MAGI1: variants seen among roughly 807,000 people sequenced by gnomAD.
MAGI1 encodes the protein membrane associated guanylate kinase, WW and PDZ domain containing 1, also known as membrane-associated guanylate kinase, WW and PDZ domain-containing protein 1.
A neutral mutation model predicts 139.9 loss-of-function variants in MAGI1; 58 were observed. The observed-to-expected ratio is 0.41, with a 90% CI of 0.34 to 0.52. The LOEUF is 0.52. Among genes scored for constraint, MAGI1 ranks in the 20% least tolerant of loss-of-function variants. The probability of loss-of-function intolerance (pLI) is 0.12; values close to 1 mark genes in which losing one functional copy is unlikely to be tolerated. For synonymous variants in MAGI1, 812 were observed against 737.9 expected, an observed-to-expected ratio of 1.10 and a Z score of -1.63; for missense variants, 1,874 against 1,901.6, an observed-to-expected ratio of 0.99 and a Z score of 0.27.
intron 2 of MAGI1, among the ~76,000 whole-genome samples, chr3:65,569,858 C>G (rs1000264783): frequency 2.0e-5 from 3 of 150,854 alleles, no homozygotes; most frequent in African/African-American, 7.3e-5. Flanking sequence ...CTGGGCAATA[C>G]AGCGAGACCC....
rs77720237 is a variant in MAGI1 at position 65,491,531 on chromosome 3, C to T, written c.550+1981G>A. ...GCAAATAGATGTTTTATATATTTGA[C>T]GACTGAAGCCCCCCAGATGGGCATA... is the stretch of plus-strand genomic sequence containing the variant. On this transcript the variant is annotated intron_variant, in intron 3 of 22. Transcript: ENST00000402939. Among the ~76,000 whole-genome samples the T allele has an allele frequency of 2.3e-3, 347 of 152,030 alleles. 2 individuals carry two copies. Among genetic ancestry groups the T allele is most frequent in the Non-Finnish European group, 2.8e-3 (191 of 67,882 alleles).
At chr3:65,502,431 A>G (rs2077119032) in intron 2 of MAGI1, among the ~76,000 whole-genome samples, 1 of 152,168 alleles carries the variant, frequency 6.6e-6, no homozygotes, top group Non-Finnish European at 1.5e-5. Context: ...GACTGTTATA[A>G]CAGAATACCA....
chr3:65,396,549 G>A (rs1158230713), intron 13 of MAGI1, among the ~76,000 whole-genome samples: 1 of 152,160 alleles, frequency 6.6e-6, no homozygotes, highest in Non-Finnish European at 1.5e-5. Context: ...CAAAATGTAG[G>A]TACTTAGAAA....
chr3:65,533,250 T>C (rs1291797637), intron 2 of MAGI1, among the ~76,000 whole-genome samples: 3 of 152,160 alleles, frequency 2.0e-5, no homozygotes, highest in African/African-American at 4.8e-5. Context: ...GGAGCACTTA[T>C]TGGGTGGAGA....
intron 2 of MAGI1, among the ~76,000 whole-genome samples, chr3:65,619,542 A>G: frequency 6.6e-6 from 1 of 152,194 alleles, no homozygotes; most frequent in East Asian, 1.9e-4. Flanking sequence ...AAGTTCTGGA[A>G]TATACAGATT....
At chr3:66,013,720 C>T (rs959124648) in intron 1 of MAGI1, among the ~76,000 whole-genome samples, 1 of 149,032 alleles carries the variant, frequency 6.7e-6, no homozygotes, top group Non-Finnish European at 1.5e-5. Flanking sequence ...GAGATCGCAC[C>T]ACTGCACTCC....
chr3:65,583,554 C>T (rs1441093873), intron 2 of MAGI1, among the ~76,000 whole-genome samples: 3 of 152,004 alleles, frequency 2.0e-5, no homozygotes, highest in Admixed American at 6.6e-5. Flanking sequence ...GAACTAACTA[C>T]AAGGTTTTTT....
chr3:65,679,393 T>G (rs150886219), intron 1 of MAGI1, among the ~76,000 whole-genome samples: 1 of 152,048 alleles, frequency 6.6e-6, no homozygotes, highest in South Asian at 2.1e-4. Context: ...TGCATTCCTA[T>G]TGCTTAATCA....
chr3:65,406,518 T>C (rs1226058022), intron 12 of MAGI1, among the ~76,000 whole-genome samples: 1 of 152,170 alleles, frequency 6.6e-6, no homozygotes, highest in African/African-American at 2.4e-5. Flanking sequence ...ATTTACATTT[T>C]TTCATTGTGA....
intron 1 of MAGI1, among the ~76,000 whole-genome samples, chr3:65,842,340 C>T (rs1325728560): frequency 6.6e-6 from 1 of 150,930 alleles, no homozygotes; most frequent in Non-Finnish European, 1.5e-5. Flanking sequence ...TTCCATATCC[C>T]CTGAAATTTT....
chr3:65,520,164 C>G (rs2078089190), intron 2 of MAGI1, among the ~76,000 whole-genome samples: 2 of 152,326 alleles, frequency 1.3e-5, no homozygotes, highest in South Asian at 4.1e-4. Flanking sequence ...AGCCATCCCG[C>G]TGAGCCCTAG....
In MAGI1 at chr3:65,430,991, T is replaced by A. The variant is rs866303828; in HGVS notation, c.1364-110A>T. On this transcript the variant is annotated intron_variant, in intron 10 of 22. Transcript: ENST00000402939. ...TTCTTCACGCTTATGCCCTAGAGCC[T>A]TTGGGCATATAGCATCTTAAGAAAG... The A allele has an allele frequency of 4.1e-6, 4 of 987,196 alleles. No homozygotes were observed. In the Middle Eastern group the frequency reaches 8.7e-4, roughly 214 times the overall value. The allele number at this position is 987,196 out of a possible 1,614,324, so 61.2% of individuals were successfully genotyped here.
chr3:65,450,353 A>G (rs1180449701), intron 6 of MAGI1, among the ~76,000 whole-genome samples: 1 of 152,212 alleles, frequency 6.6e-6, no homozygotes, highest in Non-Finnish European at 1.5e-5. Context: ...ATGATCCCAG[A>G]TGAGAATGGA....
intron 2 of MAGI1, among the ~76,000 whole-genome samples, chr3:65,553,580 G>A (rs1350412873): frequency 3.3e-5 from 5 of 152,204 alleles, no homozygotes; most frequent in Non-Finnish European, 7.3e-5. Context: ...AATGTCGCAA[G>A]TGTATATAGA....
At chr3:65,643,623 A>G (rs1421573530) in intron 1 of MAGI1, among the ~76,000 whole-genome samples, 1 of 152,152 alleles carries the variant, frequency 6.6e-6, no homozygotes, top group African/African-American at 2.4e-5. Flanking sequence ...GAGCTGAAGA[A>G]CCCAGGAATG....
intron 1 of MAGI1, among the ~76,000 whole-genome samples, chr3:65,982,859 T>C (rs1282747895): frequency 6.6e-6 from 1 of 152,178 alleles, no homozygotes; most frequent in African/African-American, 2.4e-5. Context: ...AAGTCCTGGC[T>C]TACTTCAAAA....
At chr3:66,024,498 T>C (rs1036327573) in intron 1 of MAGI1, among the ~76,000 whole-genome samples, 1 of 150,588 alleles carries the variant, frequency 6.6e-6, no homozygotes, top group African/African-American at 2.5e-5. Flanking sequence ...ACTCCCTAAT[T>C]GTCCTTTAAA....
intron 1 of MAGI1, among the ~76,000 whole-genome samples, chr3:65,648,956 G>GGGA (rs1356668853): frequency 1.3e-5 from 2 of 152,128 alleles, no homozygotes; most frequent in African/African-American, 4.8e-5. Context: ...AGTGGAGAAA[G>GGGA]GACACCCTTT....
intron 3 of MAGI1, among the ~76,000 whole-genome samples, chr3:65,479,043 A>G (rs556474292): frequency 3.9e-5 from 6 of 152,350 alleles, no homozygotes; most frequent in Non-Finnish European, 5.9e-5. Flanking sequence ...AGGGCTAAAA[A>G]CAAAGGAGGC....
Sources: allele counts gnomAD v4.1 joint callset (sites outside exome capture counted in the v4.1 genomes callset), GRCh38; gene constraint gnomAD v4.1.1; transcripts MANE v1.5; gene names NCBI Gene and HGNC (gene_info 2026-07-23, HGNC 2026-07-21).